Variants in INPP4B observed in about 807,000 individuals in gnomAD.
INPP4B encodes inositol polyphosphate 4-phosphatase type II.
Under a neutral mutation model 122.5 loss-of-function variants are expected in INPP4B, and 55 were observed. The ratio of observed to expected loss-of-function variants is 0.45; its 90% CI spans 0.36 to 0.56. INPP4B has a LOEUF of 0.56. INPP4B is among the 20% of genes least tolerant of loss of function. The pLI, the probability that INPP4B is intolerant of heterozygous loss-of-function variation, is 0.00. For synonymous variants in INPP4B, 403 were observed against 388.7 expected, an observed-to-expected ratio of 1.04 and a Z score of -0.43; for missense variants, 1,000 against 1,097.7, an observed-to-expected ratio of 0.91 and a Z score of 1.26.
In INPP4B at chr4:142,666,129, ATGTGTATATATCTGTG is replaced by A. The variant is rs1469275413; in HGVS notation, c.-191+59694_-191+59709del. On this transcript the variant is annotated intron_variant, in intron 2 of 25. Transcript: ENST00000262992. The stretch of plus-strand genomic sequence containing the variant: ...AAGGGGGACTACTACATATACTTGT[ATGTGTATATATCTGTG>A]TGTGTATATATATGTATAAATGGAA... Among the ~76,000 whole-genome samples the A allele has an allele frequency of 5.3e-5, 8 of 152,332 alleles. No homozygotes were observed. The East Asian group carries it at 1.5e-3, about 29-fold the overall frequency.
rs1235939281 is a variant in INPP4B, at chr4:142,073,403, C to A, written c.2642+8628G>T. ...GGGTACTTATTCATAAATACAGTTG[C>A]CTCCCAGTTCAGTTTTCTTTAGAAA... On this transcript the variant is annotated intron_variant, in intron 25 of 25. Coordinates refer to ENST00000262992, the MANE Select transcript of INPP4B (RefSeq NM_001101669.3). Among the ~76,000 whole-genome samples the A allele has an allele frequency of 2.2e-4, 34 of 152,054 alleles. 1 individual carries two copies. The highest frequency in any genetic ancestry group is 2.2e-3 in the Admixed American group (34 of 15,230).
chr4:142,623,740 C>T (rs1745541560), intron 2 of INPP4B, among the ~76,000 whole-genome samples: 1 of 149,878 alleles, frequency 6.7e-6, no homozygotes, highest in Non-Finnish European at 1.5e-5. Flanking sequence ...CACAACAGTC[C>T]CCAGAGTGTG....
intron 2 of INPP4B, among the ~76,000 whole-genome samples, chr4:142,588,730 T>C (rs1052102676): frequency 2.0e-5 from 3 of 151,708 alleles, no homozygotes; most frequent in South Asian, 2.1e-4. Flanking sequence ...TGCTCATAGA[T>C]TGAAAGACTC....
chr4:142,392,023 C>T (rs1052305566), intron 7 of INPP4B, among the ~76,000 whole-genome samples: 2 of 152,144 alleles, frequency 1.3e-5, no homozygotes, highest in African/African-American at 4.8e-5. Flanking sequence ...TCACTGAGGA[C>T]AGTCAACCTC....
At chr4:142,831,453 G>A (rs1782129001) in intron 1 of INPP4B, among the ~76,000 whole-genome samples, 1 of 152,180 alleles carries the variant, frequency 6.6e-6, no homozygotes, top group African/African-American at 2.4e-5. Flanking sequence ...TGACTTGTCT[G>A]CTTTTGCATA....
At chr4:142,367,915 C>T (rs1470166481) in intron 7 of INPP4B, among the ~76,000 whole-genome samples, 1 of 152,074 alleles carries the variant, frequency 6.6e-6, no homozygotes, top group Non-Finnish European at 1.5e-5. Context: ...GTATAGAAAA[C>T]AGGAAGTTGG....
intron 2 of INPP4B, among the ~76,000 whole-genome samples, chr4:142,627,700 T>C (rs1746797057): frequency 6.6e-6 from 1 of 151,804 alleles, no homozygotes; most frequent in Non-Finnish European, 1.5e-5. Flanking sequence ...TCAAGGATAT[T>C]GGTCTAAAAT....
intron 25 of INPP4B, among the ~76,000 whole-genome samples, chr4:142,035,988 T>C (rs528996173): frequency 6.6e-6 from 1 of 152,260 alleles, no homozygotes; most frequent in South Asian, 2.1e-4. Flanking sequence ...GTTTGCTATT[T>C]GGGTATATTG....
intron 18 of INPP4B, among the ~76,000 whole-genome samples, chr4:142,134,664 G>A (rs1803078038): frequency 6.6e-6 from 1 of 151,890 alleles, no homozygotes; most frequent in African/African-American, 2.4e-5. Flanking sequence ...GGGCATAGTG[G>A]CGCATGCCTG....
chr4:142,615,814 T>C (rs1295778369), intron 2 of INPP4B, among the ~76,000 whole-genome samples: 1 of 152,120 alleles, frequency 6.6e-6, no homozygotes, highest in Non-Finnish European at 1.5e-5. Context: ...AGTTTACAAC[T>C]TGACAGTTTA....
rs534336325 is a variant in INPP4B, at chr4:142,240,761, T to C, written c.689-2750A>G. Among the ~76,000 whole-genome samples the C allele has an allele frequency of 1.4e-4, 22 of 152,234 alleles. No homozygotes were observed. The South Asian group carries it at 4.4e-3, about 30-fold the overall frequency. On this transcript the variant is annotated intron_variant, in intron 11 of 25. Transcript: ENST00000262992. ...CTGATGCAAGAATACCTCCTATGTATCATAAAATACAGTATAACAGAGTAT... is the reference window on the plus strand; with the variant it reads ...CTGATGCAAGAATACCTCCTATGTACCATAAAATACAGTATAACAGAGTAT...
At chr4:142,666,343 C>T (rs1322639532) in intron 2 of INPP4B, among the ~76,000 whole-genome samples, 1 of 151,624 alleles carries the variant, frequency 6.6e-6, no homozygotes, top group Non-Finnish European at 1.5e-5. Context: ...ACAAGAAATG[C>T]ATATAAAAAG....
intron 2 of INPP4B, among the ~76,000 whole-genome samples, chr4:142,651,540 T>G (rs1388184560): frequency 6.6e-6 from 1 of 151,960 alleles, no homozygotes; most frequent in Non-Finnish European, 1.5e-5. Flanking sequence ...AAAGGGGATA[T>G]CACCACCGAT....
At chr4:142,638,699 C>T (rs1179439298) in intron 2 of INPP4B, among the ~76,000 whole-genome samples, 1 of 151,998 alleles carries the variant, frequency 6.6e-6, no homozygotes. Flanking sequence ...GTGCCCGCCA[C>T]CATGTCCGGC....
At chr4:142,086,371 G>T (rs1413763537) in intron 23 of INPP4B, 115 bp from the exon 24 acceptor site, 3 of 641,956 alleles carry the variant, frequency 4.7e-6, no homozygotes, top group African/African-American at 1.8e-5. Context: ...TTTAGGCAGG[G>T]TCTTGCTCTG....
Position 142,781,621 on chromosome 4 carries a change from G to A in INPP4B, c.-253-55720C>T, listed in dbSNP as rs1347222442. 2.6e-5 allele frequency among the ~76,000 whole-genome samples: 4 copies of A among 152,236 alleles called. No individual in the cohort carries two copies. In the South Asian group the frequency reaches 6.2e-4, roughly 24 times the overall value. On this transcript the variant is annotated intron_variant, in intron 1 of 25. Coordinates refer to ENST00000262992, the MANE Select transcript of INPP4B (RefSeq NM_001101669.3). ...TCCCATCTGTGATTTAGTGAAACTG[G>A]AGAAGTATAAAAAAACCAAAGATAT... is the stretch of plus-strand genomic sequence containing the variant.
chr4:142,595,578 G>C (rs1049799204), intron 2 of INPP4B, among the ~76,000 whole-genome samples: 1 of 152,106 alleles, frequency 6.6e-6, no homozygotes, highest in South Asian at 2.1e-4. Context: ...TGGTTTTTTT[G>C]AGAAGAAGAG....
Position 142,102,597 on chromosome 4 carries a change from G to T in INPP4B, c.2374+5496C>A, listed in dbSNP as rs192154678. 2.6e-4 allele frequency among the ~76,000 whole-genome samples: 39 copies of T among 150,386 alleles called. No homozygotes were observed. In the East Asian group the frequency reaches 6.2e-3, roughly 24 times the overall value. On this transcript the variant is annotated intron_variant, in intron 23 of 25. Coordinates refer to ENST00000262992, the MANE Select transcript of INPP4B (RefSeq NM_001101669.3). ...TATTTAGGATTCTTTCAAAACCTTT[G>T]TATCAGTCTTCAAGAGTTTTCTGTG...
At chr4:142,297,436 A>G (rs868714882) in intron 9 of INPP4B, among the ~76,000 whole-genome samples, 3 of 152,288 alleles carry the variant, frequency 2.0e-5, no homozygotes, top group Admixed American at 6.5e-5. Context: ...GAGGTGTTGG[A>G]GTCATGGGGG....
Sources: allele counts gnomAD v4.1 joint callset (sites outside exome capture counted in the v4.1 genomes callset), GRCh38; gene constraint gnomAD v4.1.1; transcripts MANE v1.5; gene names NCBI Gene and HGNC (gene_info 2026-07-23, HGNC 2026-07-21).